The following CWC27 variants were observed in gnomAD, a reference collection of about 807,000 sequenced individuals.
CWC27 encodes spliceosome-associated protein CWC27 homolog.
Under a neutral mutation model 63.6 loss-of-function variants are expected in CWC27, and 47 were observed. That is an observed-to-expected ratio of 0.74 (90% CI 0.58 to 0.94). The LOEUF is 0.94. Among genes scored for constraint, CWC27 ranks in the 40% least tolerant of loss-of-function variants. CWC27 has a pLI of 0.00. For missense variants in CWC27, 495 were observed against 554.3 expected, an observed-to-expected ratio of 0.89 and a Z score of 1.07; for synonymous variants, 175 against 179.8, an observed-to-expected ratio of 0.97 and a Z score of 0.22.
chr5:64,815,652 A>G (rs1279267958), intron 10 of CWC27, among the ~76,000 whole-genome samples: 1 of 152,192 alleles, frequency 6.6e-6, no homozygotes, highest in East Asian at 1.9e-4. Flanking sequence ...AAAATGGCAA[A>G]TATAATAAAA....
intron 13 of CWC27, among the ~76,000 whole-genome samples, chr5:65,005,357 G>C (rs1043583478): frequency 9.2e-5 from 14 of 152,128 alleles, no homozygotes; most frequent in African/African-American, 3.1e-4. Flanking sequence ...CCCCAGGATG[G>C]CATGCTCATG....
At chr5:64,938,430 G>C (rs1434611559) in intron 11 of CWC27, among the ~76,000 whole-genome samples, 1 of 152,058 alleles carries the variant, frequency 6.6e-6, no homozygotes, top group African/African-American at 2.4e-5. Context: ...TTGAATATTG[G>C]CCCCCACTCT....
intron 11 of CWC27, among the ~76,000 whole-genome samples, chr5:64,944,575 G>C (rs1748550458): frequency 6.6e-6 from 1 of 152,104 alleles, no homozygotes; most frequent in East Asian, 1.9e-4. Context: ...TTAAGCTATT[G>C]ATCTTATATT....
chr5:65,006,018 A>G (rs548100044), intron 13 of CWC27, among the ~76,000 whole-genome samples: 42 of 152,340 alleles, frequency 2.8e-4, no homozygotes, highest in African/African-American at 1.0e-3. Context: ...CATTCTTTAT[A>G]TAGCTTGTTT....
intron 11 of CWC27, among the ~76,000 whole-genome samples, chr5:64,954,036 T>A (rs1197409131): frequency 6.6e-6 from 1 of 152,216 alleles, no homozygotes; most frequent in Non-Finnish European, 1.5e-5. Context: ...TTCATTTAAA[T>A]GATATTTATC....
At chr5:64,841,923 G>A (rs545555230) in intron 10 of CWC27, among the ~76,000 whole-genome samples, 7 of 152,008 alleles carry the variant, frequency 4.6e-5, no homozygotes, top group East Asian at 1.9e-4. Context: ...CAGGTTATCC[G>A]CTCACCTTGG....
At chr5:64,874,154 CTTTTTTT>C (rs748768571) in intron 10 of CWC27, among the ~76,000 whole-genome samples, 2 of 48,772 alleles carry the variant, frequency 4.1e-5, no homozygotes, top group Non-Finnish European at 6.9e-5. Context: ...ATTGTTGATG[CTTTTTTT>C]TTTTTTTTTT....
intron 10 of CWC27, among the ~76,000 whole-genome samples, chr5:64,825,469 T>C: frequency 6.6e-6 from 1 of 152,182 alleles, no homozygotes; most frequent in East Asian, 1.9e-4. Context: ...AGATATATGT[T>C]TACATGATCT....
intron 13 of CWC27, among the ~76,000 whole-genome samples, chr5:64,990,703 C>G (rs1212626384): frequency 6.6e-6 from 1 of 152,166 alleles, no homozygotes; most frequent in Non-Finnish European, 1.5e-5. Context: ...GTCATACAAC[C>G]CTTACCCTAC....
chr5:64,897,988 T>G (rs1747419837), intron 11 of CWC27, among the ~76,000 whole-genome samples: 2 of 152,282 alleles, frequency 1.3e-5, no homozygotes, highest in South Asian at 4.1e-4. Flanking sequence ...AACAAACATG[T>G]AAAAATTTAA....
intron 11 of CWC27, among the ~76,000 whole-genome samples, chr5:64,942,687 A>G (rs1019110952): frequency 1.3e-5 from 2 of 152,082 alleles, no homozygotes; most frequent in African/African-American, 4.8e-5. Flanking sequence ...TTTGCTTGTA[A>G]CGAGTAAGGA....
chr5:64,847,548 A>G (rs1431846283), intron 10 of CWC27, among the ~76,000 whole-genome samples: 2 of 152,220 alleles, frequency 1.3e-5, no homozygotes, highest in Non-Finnish European at 2.9e-5. Context: ...CCTCACAGAC[A>G]TATATTAAAA....
chr5:64,975,249 G>C (rs1188357969), intron 12 of CWC27, among the ~76,000 whole-genome samples: 1 of 152,258 alleles, frequency 6.6e-6, no homozygotes, highest in East Asian at 1.9e-4. Flanking sequence ...TTGAGTTCTA[G>C]ATTGCCCAGA....
At chr5:64,952,498 T>C (rs898283240) in intron 11 of CWC27, among the ~76,000 whole-genome samples, 3 of 151,952 alleles carry the variant, frequency 2.0e-5, no homozygotes, top group Admixed American at 1.3e-4. Flanking sequence ...GTATACAACA[T>C]GAACAAAAGC....
chr5:64,891,677 A>T (rs1444942859), intron 11 of CWC27, among the ~76,000 whole-genome samples: 1 of 152,216 alleles, frequency 6.6e-6, no homozygotes, highest in Non-Finnish European at 1.5e-5. Context: ...TTTAATTTTT[A>T]TGAGCAATAA....
intron 10 of CWC27, among the ~76,000 whole-genome samples, chr5:64,871,459 C>T (rs1746674266): frequency 1.3e-5 from 2 of 151,614 alleles, no homozygotes; most frequent in South Asian, 2.1e-4. Context: ...TGTTTTAGGT[C>T]ATGAGGAATA....
In CWC27 at chr5:64,769,046, C is replaced by T; in HGVS notation, c.-101C>T. The T allele has an allele frequency of 1.0e-6, 1 of 953,368 alleles. No individual in the cohort carries two copies. Among genetic ancestry groups the T allele is most frequent in the Non-Finnish European group, 1.7e-6 (1 of 587,612 alleles). 59.1% of individuals were successfully genotyped at this position (953,368 alleles called of 1,614,324 possible). A position where few individuals can be genotyped will look rare whatever the true frequency, so the allele number is the denominator to read the frequency against. Reference sequence around the variant, plus strand: ...TTGACAAACTGAAGCTTTCCTGCACCACTGGACTTAAGGAAGAGTGTACTC... The same window carrying T: ...TTGACAAACTGAAGCTTTCCTGCACTACTGGACTTAAGGAAGAGTGTACTC... On this transcript the variant is annotated 5_prime_UTR_variant, in exon 1 of 14. Coordinates refer to ENST00000381070, the MANE Select transcript of CWC27 (RefSeq NM_005869.4).
At chr5:64,941,659 T>C (rs1748482972) in intron 11 of CWC27, among the ~76,000 whole-genome samples, 1 of 152,124 alleles carries the variant, frequency 6.6e-6, no homozygotes, top group African/African-American at 2.4e-5. Context: ...CATATGTGTA[T>C]AGAAGTATAG....
intron 13 of CWC27, among the ~76,000 whole-genome samples, chr5:65,006,960 C>CAGAAAGAAAGAAAGAA (rs200204473): frequency 5.0e-5 from 6 of 121,116 alleles, no homozygotes; most frequent in Admixed American, 2.8e-4. Flanking sequence ...TTTAAAAAGA[C>CAGAAAGAAAGAAAGAA]AGAAAGAAAG....
Sources: gnomAD v4.1 joint callset for allele counts (sites outside exome capture counted in the v4.1 genomes callset) on GRCh38, gnomAD v4.1.1 for gene constraint, MANE v1.5 for transcripts, NCBI Gene and HGNC (gene_info 2026-07-23, HGNC 2026-07-21) for gene names.